Variants in ATP8B1 observed in about 807,000 individuals in gnomAD.
The protein encoded by ATP8B1 is phospholipid-transporting ATPase IC.
Under a neutral mutation model 149.9 loss-of-function variants are expected in ATP8B1, and 80 were observed. The observed-to-expected ratio is 0.53, with a 90% CI of 0.45 to 0.64. The LOEUF (loss-of-function observed/expected upper bound fraction) is 0.64. ATP8B1 is among the 30% of genes least tolerant of loss of function. ATP8B1 has a pLI of 0.00. For missense variants in ATP8B1, 1,247 were observed against 1,552.6 expected (o/e 0.80, Z 3.31); for synonymous variants, 536 against 562.8 (o/e 0.95, Z 0.67).
chr18:57,662,645 G>A (rs771275845), intron 20 of ATP8B1, 30 bp from the exon 21 acceptor site: 7 of 1,613,232 alleles, frequency 4.3e-6, no homozygotes, highest in South Asian at 1.1e-5. Flanking sequence ...AGTGTTTAAA[G>A]TGTAAGACCC....
intron 22 of ATP8B1, among the ~76,000 whole-genome samples, chr18:57,656,881 A>C (rs1465881877): frequency 6.6e-6 from 1 of 151,834 alleles, no homozygotes; most frequent in Non-Finnish European, 1.5e-5. Context: ...GGAGAGAGAC[A>C]GACAGACACG....
chr18:57,769,322 C>T (rs1325068140), intron 1 of ATP8B1, among the ~76,000 whole-genome samples: 1 of 152,186 alleles, frequency 6.6e-6, no homozygotes, highest in Non-Finnish European at 1.5e-5. Flanking sequence ...CTCCCTTCTC[C>T]CTGCTCTGCT....
At chr18:57,694,173 A>G (rs1912683800) in intron 11 of ATP8B1, among the ~76,000 whole-genome samples, 1 of 152,122 alleles carries the variant, frequency 6.6e-6, no homozygotes, top group Non-Finnish European at 1.5e-5. Context: ...TTGGAGCTAT[A>G]CAGTATATGT....
At chr18:57,798,271 C>T (rs552894795) in intron 1 of ATP8B1, among the ~76,000 whole-genome samples, 3 of 151,886 alleles carry the variant, frequency 2.0e-5, no homozygotes, top group African/African-American at 7.3e-5. Context: ...ACAAAACAAA[C>T]AAACAAAAAA....
rs545241380 is a variant in ATP8B1 at position 57,752,967 on chromosome 18, G to T, written c.-25-21135C>A. ...GAACCAGAACCAGATCTTAGCATTTGAATCCAAATCCTGCATCCTTTCTCC... is the reference window on the plus strand; with the variant it reads ...GAACCAGAACCAGATCTTAGCATTTTAATCCAAATCCTGCATCCTTTCTCC... On this transcript the variant is annotated intron_variant, in intron 1 of 27. Transcript: ENST00000648908. Among the ~76,000 whole-genome samples the T allele has an allele frequency of 1.8e-4, 28 of 152,240 alleles. No homozygotes were observed. In the South Asian group the frequency reaches 4.6e-3, roughly 25 times the overall value.
intron 15 of ATP8B1, among the ~76,000 whole-genome samples, chr18:57,676,871 G>C (rs1313646566): frequency 6.6e-6 from 1 of 152,060 alleles, no homozygotes; most frequent in Non-Finnish European, 1.5e-5. Context: ...AATAAGCTAG[G>C]TTCAGTGGCA....
intron 8 of ATP8B1, 99 bp from the exon 9 acceptor site, chr18:57,695,631 G>T: frequency 1.1e-6 from 1 of 893,472 alleles, no homozygotes; most frequent in Non-Finnish European, 1.8e-6. Flanking sequence ...TGGACATGAA[G>T]CCTAAATAAT....
intron 1 of ATP8B1, among the ~76,000 whole-genome samples, chr18:57,772,355 A>T (rs997428087): frequency 2.0e-5 from 3 of 152,170 alleles, no homozygotes; most frequent in African/African-American, 7.2e-5. Context: ...AAGCTGGGCC[A>T]CTATCTGATT....
intron 15 of ATP8B1, 57 bp downstream of exon 15, chr18:57,683,979 T>TTA (rs376845919): frequency 5.0e-6 from 8 of 1,602,992 alleles, no homozygotes; most frequent in African/African-American, 2.7e-5. Flanking sequence ...TAAGCAGGAG[T>TTA]TACCTGGAAA....
chr18:57,697,152 T>C (rs1035570053), intron 8 of ATP8B1, among the ~76,000 whole-genome samples: 15 of 152,052 alleles, frequency 9.9e-5, no homozygotes, highest in Non-Finnish European at 1.8e-4. Context: ...TCTCAGTTAC[T>C]CAAGAGGCTG....
chr18:57,775,111 T>G (rs989399574), intron 1 of ATP8B1, among the ~76,000 whole-genome samples: 1 of 152,070 alleles, frequency 6.6e-6, no homozygotes, highest in Admixed American at 6.5e-5. Context: ...CCTGGAGAGT[T>G]CGAGACCAGC....
At chr18:57,750,826 T>C (rs1469545019) in intron 1 of ATP8B1, among the ~76,000 whole-genome samples, 1 of 152,190 alleles carries the variant, frequency 6.6e-6, no homozygotes, top group Non-Finnish European at 1.5e-5. Flanking sequence ...ATTTAAATAT[T>C]ATCAATGTTT....
At chr18:57,680,564 A>G (rs371683759) in intron 15 of ATP8B1, among the ~76,000 whole-genome samples, 112 of 150,924 alleles carry the variant, frequency 7.4e-4, no homozygotes, top group African/African-American at 2.7e-3. Flanking sequence ...AGCCTGGGCA[A>G]TAAGAGTGAA....
At chr18:57,665,366 C>T (rs1427527737) in intron 20 of ATP8B1, among the ~76,000 whole-genome samples, 2 of 152,094 alleles carry the variant, frequency 1.3e-5, no homozygotes, top group African/African-American at 4.8e-5. Flanking sequence ...ACATTTGCTA[C>T]TTGCATACAT....
Position 57,666,020 on chromosome 18 carries a change from T to G in ATP8B1, c.2285+1072A>C, listed in dbSNP as rs188721174. Among the ~76,000 whole-genome samples, 19 of 152,306 alleles carry G rather than the reference T, an allele frequency of 1.2e-4. No homozygotes were observed. In the East Asian group the frequency reaches 3.5e-3, roughly 28 times the overall value. On this transcript the variant is annotated intron_variant, in intron 20 of 27. Transcript: ENST00000648908. ...ATACTAGAACAACTAGAAAATGCTTTATCACCATCATTAGAAATAAGACTA... is the reference window on the plus strand; with the variant it reads ...ATACTAGAACAACTAGAAAATGCTTGATCACCATCATTAGAAATAAGACTA...
At chr18:57,762,141 ATT>A (rs11300223) in intron 1 of ATP8B1, among the ~76,000 whole-genome samples, 13 of 126,788 alleles carry the variant, frequency 1.0e-4, no homozygotes, top group East Asian at 6.1e-4. Flanking sequence ...ATATATATAT[ATT>A]TTTTTTTTCT....
chr18:57,690,312 G>A (rs185688302), intron 12 of ATP8B1, among the ~76,000 whole-genome samples: 56 of 152,288 alleles, frequency 3.7e-4, no homozygotes, highest in African/African-American at 1.3e-3. Flanking sequence ...CAGAAGGTAC[G>A]GGCGGAGTGG....
At chr18:57,650,933 C>T (rs1488888802) in intron 26 of ATP8B1, among the ~76,000 whole-genome samples, 1 of 152,006 alleles carries the variant, frequency 6.6e-6, no homozygotes, top group Non-Finnish European at 1.5e-5. Flanking sequence ...GATTGGCCTC[C>T]CCAAAATATC....
Position 57,695,453 on chromosome 18 carries a change from C to G in ATP8B1, c.778G>C (p.Asp260His). The G allele has an allele frequency of 6.2e-7, 1 of 1,611,258 alleles. No individual in the cohort carries two copies. Residue 260 changes from aspartate (D) to histidine (H), a missense_variant, in exon 9 of 28, where the codon GAT becomes CAT. By Grantham distance (81) the Asp-to-His change is moderately conservative (BLOSUM62 -1). Transcript: ENST00000648908. ...GTAAGACATGTTTGGTACAAACCAT[C>G]AAATGTAGCCAATGTATCTTCTCTT... ...LQREDTLATF[D>H]GFIECEEPNN...
Sources: gnomAD v4.1 joint callset for allele counts (sites outside exome capture counted in the v4.1 genomes callset) on GRCh38, gnomAD v4.1.1 for gene constraint, MANE v1.5 for transcripts, NCBI Gene and HGNC (gene_info 2026-07-23, HGNC 2026-07-21) for gene names.